The following UBAC1 variants were observed in gnomAD, a reference collection of about 807,000 sequenced individuals.
UBAC1 encodes UBA domain containing 1, also known as ubiquitin-associated domain-containing protein 1.
In UBAC1, 27 loss-of-function variants were observed where a neutral mutation model predicts 45.9. The observed-to-expected ratio is 0.59, with a 90% CI of 0.43 to 0.81. UBAC1 has a LOEUF of 0.81. UBAC1 is among the 30% of genes least tolerant of loss of function. The pLI, the probability that UBAC1 is intolerant of heterozygous loss-of-function variation, is 0.00. For missense variants in UBAC1, 529 were observed against 539.2 expected, an observed-to-expected ratio of 0.98 and a Z score of 0.19; for synonymous variants, 227 against 215.5, an observed-to-expected ratio of 1.05 and a Z score of -0.47.
intron 3 of UBAC1, among the ~76,000 whole-genome samples, chr9:135,953,211 G>T (rs1431002128): frequency 2.0e-5 from 3 of 152,216 alleles, no homozygotes; most frequent in Non-Finnish European, 2.9e-5. Context: ...GGCTCTGCCG[G>T]GAGAGAGAAC....
intron 1 of UBAC1, among the ~76,000 whole-genome samples, chr9:135,958,688 G>A (rs1839495880): frequency 6.6e-6 from 1 of 152,194 alleles, no homozygotes; most frequent in Non-Finnish European, 1.5e-5. Context: ...ACAGCAGGAT[G>A]ACATCCAGGG....
chr9:135,948,570 C>T (rs1048107178), intron 3 of UBAC1, among the ~76,000 whole-genome samples: 2 of 152,374 alleles, frequency 1.3e-5, no homozygotes, highest in African/African-American at 4.8e-5. Flanking sequence ...GTCCTGCCGG[C>T]AACTCCCAGA....
chr9:135,937,380 G>A (rs1474434090), intron 9 of UBAC1, among the ~76,000 whole-genome samples: 1 of 149,566 alleles, frequency 6.7e-6, no homozygotes. Context: ...GGCGGAGGTT[G>A]CAGTGGGCCG....
chr9:135,938,155 A>G, intron 9 of UBAC1, 67 bp downstream of exon 9: 2 of 1,584,106 alleles, frequency 1.3e-6, no homozygotes, highest in Admixed American at 1.7e-5. Context: ...CGCAGCACCT[A>G]TTTGTCCTGC....
intron 3 of UBAC1, among the ~76,000 whole-genome samples, chr9:135,948,525 C>A (rs972545561): frequency 6.6e-6 from 1 of 152,262 alleles, no homozygotes. Context: ...GCGCTCCATC[C>A]CCCGCCACCC....
intron 3 of UBAC1, among the ~76,000 whole-genome samples, chr9:135,948,962 C>T (rs533437467): frequency 2.6e-5 from 4 of 151,660 alleles, no homozygotes; most frequent in East Asian, 1.9e-4. Flanking sequence ...CCCAGCTACC[C>T]GGGAGGCTGA....
chr9:135,947,592 C>T, intron 4 of UBAC1: 1 of 489,668 alleles, frequency 2.0e-6, no homozygotes, highest in Non-Finnish European at 3.6e-6. Context: ...ATCCTGCCTT[C>T]AGATGGCTTT....
intron 7 of UBAC1, among the ~76,000 whole-genome samples, chr9:135,944,705 G>A (rs1839306464): frequency 6.6e-6 from 1 of 152,256 alleles, no homozygotes; most frequent in African/African-American, 2.4e-5. Flanking sequence ...GCTTGTGGAT[G>A]AGTGGTCAGA....
chr9:135,933,666 A>T, intron 9 of UBAC1, 151 bp from the exon 10 acceptor site: 1 of 627,206 alleles, frequency 1.6e-6, no homozygotes, highest in Non-Finnish European at 2.9e-6. Flanking sequence ...GTGCACTCTC[A>T]GGCTGAAACC....
chr9:135,958,759 A>G (rs1422109184), intron 1 of UBAC1, among the ~76,000 whole-genome samples: 1 of 152,132 alleles, frequency 6.6e-6, no homozygotes, highest in Non-Finnish European at 1.5e-5. Context: ...TGACTAACGC[A>G]TTCTGGCCCT....
chr9:135,934,832 A>G (rs1227410798), intron 9 of UBAC1, among the ~76,000 whole-genome samples: 1 of 152,232 alleles, frequency 6.6e-6, no homozygotes. Flanking sequence ...AGAGTTAAAT[A>G]TGAAAAACCA....
chr9:135,961,297 G>T lies in UBAC1; in HGVS notation c.-135C>A, dbSNP rs1839534716. The T allele has an allele frequency of 2.7e-6, 2 of 744,814 alleles. No individual in the cohort carries two copies. Among genetic ancestry groups the T allele is most frequent in the Non-Finnish European group, 3.4e-6 (2 of 594,468 alleles). The allele number at this position is 744,814 out of a possible 1,614,324, so 46.1% of individuals were successfully genotyped here. ...CCGCCGCCCCGCCCCGGCTCCCGTC[G>T]GCCGGGCCGCCGTCACTCTCCGCGG... On this transcript the variant is annotated 5_prime_UTR_variant, in exon 1 of 10. Coordinates refer to ENST00000371756, the MANE Select transcript of UBAC1 (RefSeq NM_016172.3).
At chr9:135,950,640 A>C (rs1361913355) in intron 3 of UBAC1, among the ~76,000 whole-genome samples, 1 of 152,244 alleles carries the variant, frequency 6.6e-6, no homozygotes, top group Non-Finnish European at 1.5e-5. Context: ...AAACCCTGAG[A>C]TCTTCAACAT....
At chr9:135,946,894 A>C (rs1192856253) in intron 4 of UBAC1, among the ~76,000 whole-genome samples, 1 of 152,122 alleles carries the variant, frequency 6.6e-6, no homozygotes, top group Middle Eastern at 3.2e-3. Context: ...AGCTGTCCCT[A>C]CTCTCACACA....
rs372032137 is a variant in UBAC1 at position 135,955,336 on chromosome 9, C to T, written c.218G>A (p.Ser73Asn). 1 of 1,607,348 alleles carries T rather than the reference C, an allele frequency of 6.2e-7. No homozygotes were observed. The highest frequency in any genetic ancestry group is 8.5e-7 in the Non-Finnish European group (1 of 1,178,314). ...LIHAASERVL[S>N]DARTILEENI... ...CTCTTCCAGGATGGTCCTGGCATCA[C>T]TCAGCACCCTCTCTGAGGCAGCGTG... Residue 73 changes from serine to asparagine, a missense_variant, in exon 2 of 10, where the codon AGT (serine) becomes AAT (asparagine). Coordinates refer to ENST00000371756, the MANE Select transcript of UBAC1 (RefSeq NM_016172.3).
chr9:135,961,046 G>A lies in UBAC1; in HGVS notation c.117C>T (p.Leu39=). 2.5e-6 allele frequency: 4 copies of A among 1,575,986 alleles called. No individual in the cohort carries two copies. The highest frequency in any genetic ancestry group is 3.4e-6 in the Non-Finnish European group (4 of 1,166,718). The stretch of plus-strand genomic sequence containing the variant: ...TTACGTGCTTGAGGCAGCGCTCCTT[G>A]AGCTTCTCCACCGAGGTGTCCTCGG... ...EATEDTSVEK[L]KERCLKHCAH... Residue 39 remains leucine (L), a synonymous_variant, in exon 1 of 10, where the codon CTC becomes CTT. Coordinates refer to ENST00000371756, the MANE Select transcript of UBAC1 (RefSeq NM_016172.3).
At chr9:135,943,770 C>T (rs1425395419) in intron 7 of UBAC1, among the ~76,000 whole-genome samples, 2 of 152,158 alleles carry the variant, frequency 1.3e-5, no homozygotes, top group African/African-American at 4.8e-5. Context: ...GATATATACA[C>T]CATGGAATAC....
chr9:135,955,375 T>C lies in UBAC1; in HGVS notation c.179A>G (p.His60Arg), dbSNP rs772046835. 1.6e-5 allele frequency: 25 copies of C among 1,604,600 alleles called. No individual in the cohort carries two copies. The Admixed American group carries it at 3.3e-4, about 21-fold the overall frequency. The change falls in exon 2 of 10, where the codon CAT becomes CGT. Residue 60 changes from histidine (H) to arginine (R), a missense_variant. His to Arg is a conservative substitution (Grantham distance 29). Coordinates refer to ENST00000371756, the MANE Select transcript of UBAC1 (RefSeq NM_016172.3). ...GSLEDPKSIT[H>R]HKLIHAASER... ...TGAGGCAGCGTGGATTAATTTATGA[T>C]GGGTTATACTTTTGGGATCTTCTAA...
intron 7 of UBAC1, 98 bp downstream of exon 7, chr9:135,944,930 G>A (rs547646914): frequency 1.1e-3 from 1,365 of 1,264,138 alleles, no homozygotes; most frequent in Non-Finnish European, 1.4e-3. Context: ...AGCCAGCTCA[G>A]CCCAAGGTCA....
Sources: gnomAD v4.1 joint callset for allele counts (sites outside exome capture counted in the v4.1 genomes callset) on GRCh38, gnomAD v4.1.1 for gene constraint, MANE v1.5 for transcripts, NCBI Gene and HGNC (gene_info 2026-07-23, HGNC 2026-07-21) for gene names.